PPP3CB: variants seen among roughly 807,000 people sequenced by gnomAD.
PPP3CB encodes protein phosphatase 3 catalytic subunit beta.
In PPP3CB, 8 loss-of-function variants were observed where a neutral mutation model predicts 66.4. The observed-to-expected ratio is 0.12, with a 90% CI of 0.07 to 0.22. The LOEUF (loss-of-function observed/expected upper bound fraction) is 0.22. Among genes scored for constraint, PPP3CB ranks in the 10% least tolerant of loss-of-function variants. The pLI, the probability that PPP3CB is intolerant of heterozygous loss-of-function variation, is 1.00. For synonymous variants in PPP3CB, 208 were observed against 221.2 expected, an observed-to-expected ratio of 0.94 and a Z score of 0.53; for missense variants, 319 against 642.5, an observed-to-expected ratio of 0.50 and a Z score of 5.44.
At chr10:73,438,460 A>G (rs889517806) in intron 13 of PPP3CB, 40 bp from the exon 14 acceptor site, 1 of 1,504,358 alleles carries the variant, frequency 6.6e-7, no homozygotes, top group Admixed American at 1.9e-5. Context: ...TAATTGAAAA[A>G]CATTTCTGAG....
chr10:73,479,586 A>G (rs564010931), intron 1 of PPP3CB, 69 bp from the exon 2 acceptor site: 1 of 1,426,600 alleles, frequency 7.0e-7, no homozygotes, highest in African/African-American at 1.4e-5. Flanking sequence ...TAATAATTGG[A>G]TCTAGATAAG....
At chr10:73,491,156 G>A (rs919282368) in intron 1 of PPP3CB, among the ~76,000 whole-genome samples, 12 of 145,272 alleles carry the variant, frequency 8.3e-5, no homozygotes, top group African/African-American at 2.8e-4. Flanking sequence ...TCAGCCTCCC[G>A]AGTAGCTGGG....
At chr10:73,443,286 C>CAGACAGACAGAAAGAAAGAA (rs1441809416) in intron 12 of PPP3CB, among the ~76,000 whole-genome samples, 2 of 115,634 alleles carry the variant, frequency 1.7e-5, no homozygotes, top group African/African-American at 6.8e-5. Flanking sequence ...GAAAGAAAGA[C>CAGACAGACAGAAAGAAAGAA]AGAAAGAAAG....
At chr10:73,470,578 G>C in intron 8 of PPP3CB, 109 bp downstream of exon 8, 1 of 646,328 alleles carries the variant, frequency 1.5e-6, no homozygotes, top group Non-Finnish European at 2.5e-6. Context: ...TATTTATAAA[G>C]AAATCTGGAT....
chr10:73,453,964 A>G (rs1180561320), intron 10 of PPP3CB, among the ~76,000 whole-genome samples: 1 of 152,238 alleles, frequency 6.6e-6, no homozygotes, highest in Non-Finnish European at 1.5e-5. Context: ...GTGGTCTTTT[A>G]GAACACAATC....
intron 1 of PPP3CB, among the ~76,000 whole-genome samples, chr10:73,491,440 C>G (rs1470471192): frequency 6.6e-6 from 1 of 151,956 alleles, no homozygotes; most frequent in African/African-American, 2.4e-5. Context: ...GCTGGGATTA[C>G]AGGCATGAAC....
At chr10:73,460,909 G>A (rs1407009821) in intron 9 of PPP3CB, among the ~76,000 whole-genome samples, 2 of 152,242 alleles carry the variant, frequency 1.3e-5, no homozygotes, top group Non-Finnish European at 2.9e-5. Context: ...CCCAGGGGCA[G>A]AGCCCTCACA....
chr10:73,492,983 C>T (rs1027218222), intron 1 of PPP3CB, among the ~76,000 whole-genome samples: 1 of 151,922 alleles, frequency 6.6e-6, no homozygotes, highest in Non-Finnish European at 1.5e-5. Flanking sequence ...CTAAGAAGTT[C>T]CAGGGAGGCA....
intron 3 of PPP3CB, among the ~76,000 whole-genome samples, chr10:73,475,812 A>G (rs1310644900): frequency 1.3e-5 from 2 of 152,238 alleles, no homozygotes; most frequent in African/African-American, 2.4e-5. Context: ...GAAATATTTG[A>G]TATGGAAATA....
At chr10:73,467,787 T>C in intron 8 of PPP3CB, 109 bp from the exon 9 acceptor site, 2 of 1,023,946 alleles carry the variant, frequency 2.0e-6, no homozygotes, top group Non-Finnish European at 1.4e-6. Context: ...GGAAGGGAGA[T>C]CGGGGGTGAG....
intron 2 of PPP3CB, among the ~76,000 whole-genome samples, chr10:73,478,848 G>A (rs1443712899): frequency 6.6e-6 from 1 of 152,146 alleles, no homozygotes; most frequent in Non-Finnish European, 1.5e-5. Context: ...TGTGGTCAGT[G>A]ACAAACTGAA....
At position 73,437,307 on chromosome 10, in the gene PPP3CB, T is replaced by A. The variant is rs1160967062; in HGVS notation, c.*935A>T. On this transcript the variant is annotated 3_prime_UTR_variant, in exon 14 of 14. Transcript: ENST00000360663. ...CTGGTGGCTCTCTAAGCAACTTGAG[T>A]ACTCACAATAAACTAAAATTTCTCA... The A allele has an allele frequency of 2.6e-5, 4 of 152,632 alleles. No individual in the cohort carries two copies. Among genetic ancestry groups the A allele is most frequent in the African/African-American group, 9.7e-5 (4 of 41,446 alleles). The allele number at this position is 152,632 out of a possible 1,614,324, so 9.5% of individuals were successfully genotyped here.
chr10:73,479,232 G>A (rs973046978), intron 2 of PPP3CB, 85 bp downstream of exon 2: 10 of 1,183,992 alleles, frequency 8.4e-6, no homozygotes, highest in Middle Eastern at 2.0e-4. Flanking sequence ...TTAGCATACA[G>A]TATCATTGAA....
chr10:73,495,717 G>A (rs1334275724), intron 1 of PPP3CB, 88 bp downstream of exon 1: 5 of 1,483,548 alleles, frequency 3.4e-6, no homozygotes, highest in African/African-American at 2.9e-5. Context: ...GCCCTTCCGG[G>A]CCCACTCCCG....
chr10:73,444,677 G>A (rs1471548507), intron 12 of PPP3CB, 48 bp downstream of exon 12: 2 of 1,612,134 alleles, frequency 1.2e-6, no homozygotes, highest in African/African-American at 1.3e-5. Context: ...AAAGAGTGAG[G>A]TGTGCCCCAG....
intron 12 of PPP3CB, chr10:73,443,772 G>A (rs1293117584): frequency 6.6e-6 from 1 of 152,202 alleles, no homozygotes; most frequent in Non-Finnish European, 1.5e-5. Flanking sequence ...AATATTCAAT[G>A]AGCCAGATTA....
chr10:73,491,699 G>A (rs534619565), intron 1 of PPP3CB, among the ~76,000 whole-genome samples: 2 of 152,266 alleles, frequency 1.3e-5, no homozygotes, highest in African/African-American at 4.8e-5. Context: ...TAGGCACGGT[G>A]GCTCATGCCT....
intron 12 of PPP3CB, among the ~76,000 whole-genome samples, chr10:73,441,003 A>C (rs183408922): frequency 3.7e-4 from 57 of 152,322 alleles, no homozygotes; most frequent in Middle Eastern, 6.8e-3. Context: ...AATATTGTCC[A>C]TTCCCCTTAT....
chr10:73,439,510 G>A (rs2056113556), intron 13 of PPP3CB, among the ~76,000 whole-genome samples: 1 of 152,118 alleles, frequency 6.6e-6, no homozygotes, highest in Non-Finnish European at 1.5e-5. Context: ...ATAGAATCAT[G>A]CAAAATATGG....
Sources: gnomAD v4.1 joint callset for allele counts (sites outside exome capture counted in the v4.1 genomes callset) on GRCh38, gnomAD v4.1.1 for gene constraint, MANE v1.5 for transcripts, NCBI Gene and HGNC (gene_info 2026-07-23, HGNC 2026-07-21) for gene names.